Variants in CEP250 observed in about 807,000 individuals in gnomAD.
CEP250 encodes centrosome-associated protein CEP250.
Under a neutral mutation model 315.7 loss-of-function variants are expected in CEP250, and 242 were observed. The observed-to-expected ratio is 0.77, with a 90% CI of 0.69 to 0.85. The LOEUF (loss-of-function observed/expected upper bound fraction) is 0.85, where lower values mean the gene tolerates loss of function less well. Ranked by LOEUF, CEP250 falls within the 40% of genes least tolerant of loss-of-function variation. The probability of loss-of-function intolerance (pLI) is 0.00; values close to 1 mark genes in which losing one functional copy is unlikely to be tolerated. For synonymous variants in CEP250, 1,088 were observed against 1,175.0 expected (o/e 0.93, Z 1.51); for missense variants, 2,515 against 2,886.4 (o/e 0.87, Z 2.95).
At chr20:35,465,326 A>G (rs991328313) in intron 5 of CEP250, among the ~76,000 whole-genome samples, 1 of 151,476 alleles carries the variant, frequency 6.6e-6, no homozygotes, top group Non-Finnish European at 1.5e-5. Flanking sequence ...AGGCTAAGGC[A>G]GGAGAATCAC....
At chr20:35,480,997 T>G (rs757687087) in intron 20 of CEP250, 2 of 152,206 alleles carry the variant, frequency 1.3e-5, no homozygotes, top group Non-Finnish European at 2.9e-5. Flanking sequence ...TCTGCAACTG[T>G]GGATGATATA....
Position 35,475,532 on chromosome 20 carries a change from ACAGT to A in CEP250, c.1606_1609del (p.Ser536AsnfsTer6). The A allele has an allele frequency of 1.5e-5, 25 of 1,614,158 alleles. No individual in the cohort carries two copies. The highest frequency in any genetic ancestry group is 2.1e-5 in the Non-Finnish European group (25 of 1,180,020). ...AGATGCTGATGGGCCTGGAAGCCAAACAGTCAGAATCACTCAGTGAACTGATCAC... is the reference window on the plus strand; with the variant it reads ...AGATGCTGATGGGCCTGGAAGCCAAACAGAATCACTCAGTGAACTGATCAC... On this transcript the variant is annotated frameshift_variant, in exon 15 of 35. Coordinates refer to ENST00000397527, the MANE Select transcript of CEP250 (RefSeq NM_007186.6). LOFTEE classifies it high-confidence loss of function.
chr20:35,503,665 G>A lies in CEP250; in HGVS notation c.5296G>A (p.Val1766Ile). The A allele has an allele frequency of 1.2e-6, 2 of 1,614,098 alleles. No homozygotes were observed. Among genetic ancestry groups the A allele is most frequent in the Non-Finnish European group, 8.5e-7 (1 of 1,179,994 alleles). Residue 1766 changes from valine to isoleucine, a missense_variant, in exon 30 of 35, where the codon GTA (valine) becomes ATA (isoleucine). Physicochemically the swap from Val to Ile is conservative, Grantham distance 29 (BLOSUM62 3). Coordinates refer to ENST00000397527, the MANE Select transcript of CEP250 (RefSeq NM_007186.6). The surrounding 1 kb of genome is among the most constrained non-coding windows in gnomAD (Gnocchi z 4.2). The part of the protein sequence containing the change: ...EQQLQGLHRK[V>I]GETSLLLSQR... ...GCAGCTCCAGGGCCTGCACAGGAAG[G>A]TAGGTGAGACCAGCCTCCTCCTGTC...
At chr20:35,481,917 C>T (rs1209278742) in intron 20 of CEP250, among the ~76,000 whole-genome samples, 1 of 151,836 alleles carries the variant, frequency 6.6e-6, no homozygotes, top group African/African-American at 2.4e-5. Context: ...CCAGGCTGGT[C>T]TCAAACTCCT....
chr20:35,501,961 G>C lies in CEP250; in HGVS notation c.4015G>C (p.Ala1339Pro). 3.1e-6 allele frequency: 5 copies of C among 1,611,962 alleles called. No individual in the cohort carries two copies. The highest frequency in any genetic ancestry group is 4.2e-6 in the Non-Finnish European group (5 of 1,179,908). ...LRRAELQRME[A>P]QGERELLQAA... ...GAGAGCAGAGCTACAGCGAATGGAA[G>C]CCCAGGTAAAGTGGTACTGGTTTCA... Residue 1339 changes from alanine (A) to proline (P), a missense_variant, in exon 29 of 35, where the codon GCC becomes CCC. By Grantham distance (27) the Ala-to-Pro change is conservative. Coordinates refer to ENST00000397527, the MANE Select transcript of CEP250 (RefSeq NM_007186.6).
intron 20 of CEP250, among the ~76,000 whole-genome samples, chr20:35,487,425 G>A (rs1014214881): frequency 4.6e-5 from 7 of 151,988 alleles, no homozygotes; most frequent in South Asian, 2.1e-4. Context: ...AGCCAAGATC[G>A]CACCACTGCA....
chr20:35,504,570 G>A lies in CEP250; in HGVS notation c.6201G>A (p.Gln2067=). 6.2e-7 allele frequency: 1 copy of A among 1,614,198 alleles called. No homozygotes were observed. Among genetic ancestry groups the A allele is most frequent in the Non-Finnish European group, 8.5e-7 (1 of 1,180,022 alleles). The change falls in exon 30 of 35, where the codon CAG becomes CAA. Residue 2067 remains glutamine (Q), a synonymous_variant. Transcript: ENST00000397527. ...REQLLEKSLA[Q]RVQENMIQEK... Reference sequence around the variant, plus strand: ...AGCTGCTGGAGAAGTCTCTGGCCCAGAGGGTCCAAGAGAATATGATCCAAG... The same window carrying A: ...AGCTGCTGGAGAAGTCTCTGGCCCAAAGGGTCCAAGAGAATATGATCCAAG...
At chr20:35,483,396 A>G (rs1237304696) in intron 20 of CEP250, among the ~76,000 whole-genome samples, 2 of 151,514 alleles carry the variant, frequency 1.3e-5, no homozygotes, top group Non-Finnish European at 2.9e-5. Context: ...TCTGTTACCC[A>G]GGCTGGAGTA....
At chr20:35,500,190 AGGGAGATTG>A in intron 28 of CEP250, 21 bp downstream of exon 28, 1 of 1,612,492 alleles carries the variant, frequency 6.2e-7, no homozygotes, top group African/African-American at 1.3e-5. Context: ...CAAGACAGGC[AGGGAGATTG>A]AGAGGGAGAA....
In CEP250 at chr20:35,512,013, G is replaced by A; in HGVS notation, c.*387G>A. Reference sequence around the variant, plus strand: ...TCTCCACTTGTGCAGCTGGGTGGCAGCACCACATCAAGGGAGTTTATCTGG... The same window carrying A: ...TCTCCACTTGTGCAGCTGGGTGGCAACACCACATCAAGGGAGTTTATCTGG... On this transcript the variant is annotated 3_prime_UTR_variant, in exon 35 of 35. Coordinates refer to ENST00000397527, the MANE Select transcript of CEP250 (RefSeq NM_007186.6). 9.6e-7 allele frequency: 1 copy of A among 1,037,940 alleles called. No individual in the cohort carries two copies. The highest frequency in any genetic ancestry group is 1.2e-6 in the Non-Finnish European group (1 of 863,730). 64.3% of individuals were successfully genotyped at this position (1,037,940 alleles called of 1,614,324 possible). A position where few individuals can be genotyped will look rare whatever the true frequency, so the allele number is the denominator to read the frequency against.
At position 35,462,564 on chromosome 20, in the gene CEP250, T is replaced by G; in HGVS notation, c.186+11T>G. ...AAGCTGCAGGCCAAGGTGAGGCAGC[T>G]GCCCTTTTGGGGAGGGGAAAGAGAA... On this transcript the variant is annotated intron_variant, in intron 4 of 34. Transcript: ENST00000397527. 6.3e-7 allele frequency: 1 copy of G among 1,585,402 alleles called. No individual in the cohort carries two copies. The highest frequency in any genetic ancestry group is 8.6e-7 in the Non-Finnish European group (1 of 1,165,332).
intron 30 of CEP250, among the ~76,000 whole-genome samples, chr20:35,505,652 CAAA>C (rs57141703): frequency 9.7e-6 from 1 of 103,194 alleles, no homozygotes; most frequent in Non-Finnish European, 1.8e-5. Context: ...GACTCCATCT[CAAA>C]AAAAAAAAAA....
rs2147071666 is a variant in CEP250, at chr20:35,493,592, C to G, written c.3033+20C>G. On this transcript the variant is annotated intron_variant, in intron 23 of 34. Transcript: ENST00000397527. ...AAGCAGGTCCCCTCCTCCTCCCCAC[C>G]AAGTCCCATGGTCCTTCCCCAACAC... 2 of 1,514,114 alleles carry G rather than the reference C, an allele frequency of 1.3e-6. No individual in the cohort carries two copies. Among genetic ancestry groups the G allele is most frequent in the Non-Finnish European group, 1.8e-6 (2 of 1,132,286 alleles). 93.8% of individuals were successfully genotyped at this position (1,514,114 alleles called of 1,614,324 possible).
chr20:35,480,410 T>C (rs2064904141), intron 20 of CEP250, among the ~76,000 whole-genome samples: 1 of 152,120 alleles, frequency 6.6e-6, no homozygotes. Flanking sequence ...GATTTAGGAT[T>C]ATTAAACTGG....
intron 17 of CEP250, 50 bp from the exon 18 acceptor site, chr20:35,479,181 C>T: frequency 6.4e-7 from 1 of 1,572,624 alleles, no homozygotes; most frequent in East Asian, 2.2e-5. Context: ...GGTAGCGGCC[C>T]CAGGGGAATC....
At chr20:35,466,866 CTCCT>C in intron 7 of CEP250, 96 bp from the exon 8 acceptor site, 1 of 739,542 alleles carries the variant, frequency 1.4e-6, no homozygotes. Flanking sequence ...CTGTAAGTCC[CTCCT>C]TCCTTCCCTC....
chr20:35,473,778 T>C (rs1313982307), intron 13 of CEP250, 92 bp from the exon 14 acceptor site: 4 of 1,213,030 alleles, frequency 3.3e-6, no homozygotes, highest in Non-Finnish European at 4.6e-6. Context: ...AGATGGGATG[T>C]TGAAACAGGG....
chr20:35,458,520 A>T (rs2062682079), intron 2 of CEP250, 146 bp downstream of exon 2: 1 of 152,204 alleles, frequency 6.6e-6, no homozygotes. Flanking sequence ...TCAGTGGTTT[A>T]CAGCTTAGAA....
At chr20:35,462,005 A>C (rs1349998899) in intron 3 of CEP250, among the ~76,000 whole-genome samples, 2 of 152,214 alleles carry the variant, frequency 1.3e-5, no homozygotes, top group Non-Finnish European at 2.9e-5. Context: ...CATTCAACAA[A>C]TGTTTCTGAA....
Sources: allele counts gnomAD v4.1 joint callset (sites outside exome capture counted in the v4.1 genomes callset), GRCh38; gene constraint gnomAD v4.1.1; non-coding constraint Gnocchi (gnomAD v3.1); transcripts MANE v1.5; gene names NCBI Gene and HGNC (gene_info 2026-07-23, HGNC 2026-07-21).